The following IDH3A variants were observed in gnomAD, a reference collection of about 807,000 sequenced individuals.
The protein encoded by IDH3A is isocitrate dehydrogenase [NAD] subunit alpha, mitochondrial.
In IDH3A, 23 loss-of-function variants were observed where a neutral mutation model predicts 43.3. The observed-to-expected ratio is 0.53, with a 90% CI of 0.38 to 0.75. The LOEUF is 0.75. Ranked by LOEUF, IDH3A falls within the 30% of genes least tolerant of loss-of-function variation. The probability of loss-of-function intolerance (pLI) is 0.00; values close to 1 mark genes in which losing one functional copy is unlikely to be tolerated. For missense variants in IDH3A, 329 were observed against 474.4 expected, an observed-to-expected ratio of 0.69 and a Z score of 2.85; for synonymous variants, 154 against 163.5, an observed-to-expected ratio of 0.94 and a Z score of 0.44.
chr15:78,152,524 C>A (rs891326690), intron 1 of IDH3A, among the ~76,000 whole-genome samples: 2 of 151,378 alleles, frequency 1.3e-5, no homozygotes, highest in Non-Finnish European at 1.5e-5. Flanking sequence ...CCACGCCTGG[C>A]TAATTTTGTA....
rs2074667204 is a variant in IDH3A, at chr15:78,160,191, A to C, written c.274A>C (p.Lys92Gln). ...SEAKESMDKN[K>Q]MGLKGPLKTP... Reference sequence around the variant, plus strand: ...GGCTAAAGAGTCCATGGATAAGAACAAGATGGGCTTGAAAGGTAGCACTGA... The same window carrying C: ...GGCTAAAGAGTCCATGGATAAGAACCAGATGGGCTTGAAAGGTAGCACTGA... Residue 92 changes from lysine to glutamine, a missense_variant, in exon 4 of 11, where the codon AAG becomes CAG. Around this residue, in one of 3 missense-constraint regions of IDH3A, gnomAD observed 212 missense variants for 345.5 expected, o/e 0.61. Coordinates refer to ENST00000299518, the MANE Select transcript of IDH3A (RefSeq NM_005530.3). 1 of 1,598,948 alleles carries C rather than the reference A, an allele frequency of 6.3e-7. No individual in the cohort carries two copies. The highest frequency in any genetic ancestry group is 1.1e-5 in the South Asian group (1 of 90,796).
chr15:78,159,660 C>G (rs1396910686), intron 3 of IDH3A, among the ~76,000 whole-genome samples: 1 of 152,118 alleles, frequency 6.6e-6, no homozygotes, highest in Non-Finnish European at 1.5e-5. Context: ...ATGCCAGGAA[C>G]CTTCTGGACC....
chr15:78,153,911 C>T (rs2074600890), intron 1 of IDH3A, among the ~76,000 whole-genome samples: 1 of 151,890 alleles, frequency 6.6e-6, no homozygotes, highest in South Asian at 2.1e-4. Flanking sequence ...ATCCCAGCTA[C>T]TTTCAGGAGG....
rs1265103981 is a variant in IDH3A at position 78,161,703 on chromosome 15, A to G, written c.412A>G (p.Thr138Ala). 6.2e-7 allele frequency: 1 copy of G among 1,614,142 alleles called. No homozygotes were observed. Among genetic ancestry groups the G allele is most frequent in the South Asian group, 1.1e-5 (1 of 91,082 alleles). The change falls in exon 5 of 11, where the codon ACC (threonine) becomes GCC (alanine). Residue 138 changes from threonine (T) to alanine (A), a missense_variant. Physicochemically the swap from Thr to Ala is moderately conservative, Grantham distance 58 (BLOSUM62 0). Transcript: ENST00000299518. The surrounding 1 kb of genome is among the most constrained non-coding windows in gnomAD (Gnocchi z 4.8). ...VSIEGYKTPY[T>A]DVNIVTIREN... Reference sequence around the variant, plus strand: ...TATCGAAGGCTATAAAACCCCTTACACCGATGTAAATATTGTGACCATTCG... The same window carrying G: ...TATCGAAGGCTATAAAACCCCTTACGCCGATGTAAATATTGTGACCATTCG...
intron 1 of IDH3A, among the ~76,000 whole-genome samples, chr15:78,153,388 A>T (rs1425787394): frequency 1.3e-5 from 2 of 152,198 alleles, no homozygotes; most frequent in Non-Finnish European, 2.9e-5. Flanking sequence ...GGAGAGGAGA[A>T]AGGACACATG....
Position 78,170,754 on chromosome 15 carries a change from A to G in IDH3A, c.*1749A>G, listed in dbSNP as rs1038782316. ...TTCCAGGGCACTAATGGTCACTCGC[A>G]TGCCCGCTGTGCACAGTCCTGTGAG... On this transcript the variant is annotated 3_prime_UTR_variant, in exon 11 of 11. Transcript: ENST00000299518. 2 of 152,588 alleles carry G rather than the reference A, an allele frequency of 1.3e-5. No homozygotes were observed. Among genetic ancestry groups the G allele is most frequent in the African/African-American group, 4.8e-5 (2 of 41,436 alleles). The allele number at this position is 152,588 out of a possible 1,614,324, so 9.5% of individuals were successfully genotyped here.
intron 8 of IDH3A, among the ~76,000 whole-genome samples, chr15:78,164,149 G>T (rs552582378): frequency 2.0e-5 from 3 of 152,146 alleles, no homozygotes; most frequent in Admixed American, 6.5e-5. Context: ...CAGAAAAGTT[G>T]TAAGAATAGT....
rs568646849 is a variant in IDH3A, at chr15:78,156,265, T to C, written c.90+990T>C. ...CAGGCTATTTATTTGAAAAAAAAATTAGCTTGATGGAGGAGGTTATTTTTG... is the reference window on the plus strand; with the variant it reads ...CAGGCTATTTATTTGAAAAAAAAATCAGCTTGATGGAGGAGGTTATTTTTG... On this transcript the variant is annotated intron_variant, in intron 2 of 10. Coordinates refer to ENST00000299518, the MANE Select transcript of IDH3A (RefSeq NM_005530.3). Among the ~76,000 whole-genome samples the C allele has an allele frequency of 8.5e-5, 13 of 152,286 alleles. No individual in the cohort carries two copies. In the South Asian group the frequency reaches 2.5e-3, roughly 29 times the overall value.
At chr15:78,166,566 G>A (rs767775246) in intron 10 of IDH3A, 1 of 408,746 alleles carries the variant, frequency 2.4e-6, no homozygotes, top group East Asian at 4.5e-5. Flanking sequence ...GGAAAGGTCA[G>A]TGGTTTGGGA....
At chr15:78,162,398 CT>C (rs1263240137) in intron 6 of IDH3A, 31 bp downstream of exon 6, 1 of 1,609,496 alleles carries the variant, frequency 6.2e-7, no homozygotes, top group South Asian at 1.1e-5. Flanking sequence ...GGCACCCCAT[CT>C]TGCTTTGTTG....
Position 78,149,422 on chromosome 15 carries a change from A to T in IDH3A, c.19A>T (p.Ile7Phe). The T allele has an allele frequency of 6.4e-7, 1 of 1,552,656 alleles. No homozygotes were observed. The highest frequency in any genetic ancestry group is 8.6e-7 in the Non-Finnish European group (1 of 1,156,596). The change falls in exon 1 of 11, where the codon ATC (isoleucine) becomes TTC (phenylalanine). Residue 7 changes from isoleucine (I) to phenylalanine (F), a missense_variant. Physicochemically the swap from Ile to Phe is conservative, Grantham distance 21. Around this residue, in one of 3 missense-constraint regions of IDH3A, gnomAD observed 26 missense variants for 17.2 expected, o/e 1.51. Coordinates refer to ENST00000299518, the MANE Select transcript of IDH3A (RefSeq NM_005530.3). ...GGAAGCGATGGCTGGGCCCGCGTGGATCTCTAAGGTGAGCGCTGGCAGGCC... is the reference window on the plus strand; with the variant it reads ...GGAAGCGATGGCTGGGCCCGCGTGGTTCTCTAAGGTGAGCGCTGGCAGGCC... MAGPAW[I>F]SKVSRLLGAF...
At chr15:78,168,890 C>T (rs1315591139) in intron 10 of IDH3A, 32 bp from the exon 11 acceptor site, 15 of 1,437,706 alleles carry the variant, frequency 1.0e-5, no homozygotes, top group Non-Finnish European at 1.3e-5. Context: ...TTTGCGGATA[C>T]ATCTTTTATT....
Position 78,149,394 on chromosome 15 carries a change from A to T in IDH3A, c.-10A>T. ...CTGCGGCTGTTGCTGCGGAGCCAGG[A>T]GGGGAAGCGATGGCTGGGCCCGCGT... On this transcript the variant is annotated 5_prime_UTR_variant, in exon 1 of 11. Transcript: ENST00000299518. 6.5e-7 allele frequency: 1 copy of T among 1,545,914 alleles called. No individual in the cohort carries two copies. The highest frequency in any genetic ancestry group is 1.2e-5 in the South Asian group (1 of 84,354).
intron 1 of IDH3A, among the ~76,000 whole-genome samples, chr15:78,150,215 C>T (rs1339685387): frequency 1.3e-5 from 2 of 152,144 alleles, no homozygotes; most frequent in South Asian, 2.1e-4. Context: ...TATGCAGTTC[C>T]GTAGCTTCTC....
At chr15:78,156,813 T>C in intron 2 of IDH3A, 1 of 996,744 alleles carries the variant, frequency 1.0e-6, no homozygotes, top group Non-Finnish European at 1.4e-6. Flanking sequence ...TTAGAATAAA[T>C]CATTGCTGTT....
At chr15:78,163,388 G>T in intron 6 of IDH3A, 119 bp from the exon 7 acceptor site, 1 of 634,656 alleles carries the variant, frequency 1.6e-6, no homozygotes. Context: ...TATTGTAATT[G>T]GGATCAGGTA....
intron 8 of IDH3A, among the ~76,000 whole-genome samples, chr15:78,164,009 T>C (rs1486252713): frequency 6.6e-6 from 1 of 152,226 alleles, no homozygotes; most frequent in Non-Finnish European, 1.5e-5. Flanking sequence ...CTAATCATTA[T>C]TAGGTCACTC....
At chr15:78,162,041 T>C (rs2074685806) in intron 5 of IDH3A, among the ~76,000 whole-genome samples, 193 bp from the exon 6 acceptor site, 1 of 152,228 alleles carries the variant, frequency 6.6e-6, no homozygotes, top group African/African-American at 2.4e-5. Flanking sequence ...ATCTGTGCAG[T>C]GGGGCTCATA....
chr15:78,150,659 TAAATA>T (rs2074566285), intron 1 of IDH3A: 2 of 152,242 alleles, frequency 1.3e-5, no homozygotes, highest in African/African-American at 2.4e-5. Flanking sequence ...GTTTGAGTAT[TAAATA>T]AAATAATGTA....
Sources: allele counts gnomAD v4.1 joint callset (sites outside exome capture counted in the v4.1 genomes callset), GRCh38; gene constraint gnomAD v4.1.1; regional missense constraint gnomAD v4.1.1; non-coding constraint Gnocchi (gnomAD v3.1); transcripts MANE v1.5; gene names NCBI Gene and HGNC (gene_info 2026-07-23, HGNC 2026-07-21).